The following PDLIM5 variants were observed in gnomAD, a reference collection of about 807,000 sequenced individuals.
The protein encoded by PDLIM5 is PDZ and LIM domain 5.
In PDLIM5, 34 loss-of-function variants were observed where a neutral mutation model predicts 64.2. The observed-to-expected ratio is 0.53, with a 90% CI of 0.40 to 0.71. PDLIM5 has a LOEUF of 0.71. Ranked by LOEUF, PDLIM5 falls within the 30% of genes least tolerant of loss-of-function variation. The pLI is 0.00. For missense variants in PDLIM5, 683 were observed against 733.6 expected (o/e 0.93, Z 0.80); for synonymous variants, 253 against 269.1 (o/e 0.94, Z 0.59).
rs767864210 is a variant in PDLIM5, at chr4:94,657,500, G to T, written c.1538G>T (p.Arg513Leu). 6 of 1,610,008 alleles carry T rather than the reference G, an allele frequency of 3.7e-6. No homozygotes were observed. The highest frequency in any genetic ancestry group is 5.1e-6 in the Non-Finnish European group (6 of 1,176,382). ...TGTGTAGCCTGTGGAAAGCCCATTC[G>T]GAACAATGTTTTTCACTTGGAGGAT... ...FVCVACGKPIRNNVFHLEDGE... is the reference protein window; with the variant it reads ...FVCVACGKPILNNVFHLEDGE... The change falls in exon 11 of 13, where the codon CGG becomes CTG. Residue 513 changes from arginine to leucine, a missense_variant. Arg to Leu is a moderately radical substitution (Grantham distance 102, BLOSUM62 -2). Transcript: ENST00000317968.
chr4:94,469,356 A>G (rs964923888), intron 2 of PDLIM5, among the ~76,000 whole-genome samples: 4 of 152,334 alleles, frequency 2.6e-5, no homozygotes, highest in Admixed American at 2.0e-4. Flanking sequence ...TGGACAGTCA[A>G]TACAGGCCCT....
intron 7 of PDLIM5, among the ~76,000 whole-genome samples, chr4:94,609,877 C>T (rs1045991497): frequency 2.0e-5 from 3 of 152,020 alleles, no homozygotes; most frequent in South Asian, 2.1e-4. Flanking sequence ...ATGTGTGATA[C>T]GAGGTAATTT....
chr4:94,649,909 G>A (rs1045593203), intron 9 of PDLIM5, among the ~76,000 whole-genome samples: 5 of 152,114 alleles, frequency 3.3e-5, no homozygotes, highest in African/African-American at 1.2e-4. Context: ...CATTTTACCT[G>A]TGCATTTATT....
At chr4:94,652,397 C>T (rs764032510) in intron 9 of PDLIM5, among the ~76,000 whole-genome samples, 10 of 152,102 alleles carry the variant, frequency 6.6e-5, no homozygotes, top group Non-Finnish European at 1.3e-4. Context: ...GTAAATTGAG[C>T]CTGGAAGATT....
rs546983164 is a variant in PDLIM5 at position 94,624,295 on chromosome 4, G to A, written c.1108+6104G>A. 7.2e-5 allele frequency among the ~76,000 whole-genome samples: 11 copies of A among 152,166 alleles called. No individual in the cohort carries two copies. The East Asian group carries it at 2.1e-3, about 29-fold the overall frequency. On this transcript the variant is annotated intron_variant, in intron 8 of 12. Coordinates refer to ENST00000317968, the MANE Select transcript of PDLIM5 (RefSeq NM_006457.5). ...ATTGTGCCACTGCACTCCAACCTGGGTGACAGAGCTAGACCCCCATCTAAA... is the reference window on the plus strand; with the variant it reads ...ATTGTGCCACTGCACTCCAACCTGGATGACAGAGCTAGACCCCCATCTAAA...
At chr4:94,521,269 A>T (rs187646193) in intron 2 of PDLIM5, among the ~76,000 whole-genome samples, 1 of 152,268 alleles carries the variant, frequency 6.6e-6, no homozygotes, top group East Asian at 1.9e-4. Context: ...GAATGTTAAG[A>T]TGGAAGAAAA....
At chr4:94,464,040 G>A (rs1367659554) in intron 2 of PDLIM5, among the ~76,000 whole-genome samples, 1 of 152,128 alleles carries the variant, frequency 6.6e-6, no homozygotes, top group African/African-American at 2.4e-5. Flanking sequence ...GTAACAAAAA[G>A]AGTAAGGATG....
At chr4:94,492,562 C>T (rs1381906035) in intron 2 of PDLIM5, among the ~76,000 whole-genome samples, 1 of 152,106 alleles carries the variant, frequency 6.6e-6, no homozygotes, top group Admixed American at 6.6e-5. Context: ...TTTCTCCTGG[C>T]AGCCATCAGT....
chr4:94,568,163 C>T (rs549233065), intron 3 of PDLIM5, among the ~76,000 whole-genome samples: 1 of 152,322 alleles, frequency 6.6e-6, no homozygotes, highest in South Asian at 2.1e-4. Flanking sequence ...ATGATCTAAA[C>T]TAGAGGCTGT....
intron 3 of PDLIM5, among the ~76,000 whole-genome samples, chr4:94,569,079 T>A (rs1052810044): frequency 6.6e-6 from 1 of 152,172 alleles, no homozygotes; most frequent in Non-Finnish European, 1.5e-5. Context: ...TGTGGTTACC[T>A]TTAGAGATGA....
chr4:94,589,957 A>G (rs1736554918), intron 7 of PDLIM5, among the ~76,000 whole-genome samples: 1 of 151,786 alleles, frequency 6.6e-6, no homozygotes. Context: ...TAGTTTTTTT[A>G]GTAGAGACAG....
chr4:94,581,544 A>G (rs1394707182), intron 5 of PDLIM5, among the ~76,000 whole-genome samples: 1 of 152,176 alleles, frequency 6.6e-6, no homozygotes, highest in Non-Finnish European at 1.5e-5. Context: ...ATTGAGATCA[A>G]CTTAATCCTG....
In PDLIM5 at chr4:94,565,549, A is replaced by T. The variant is rs190657415; in HGVS notation, c.249-7802A>T. 2.6e-5 allele frequency among the ~76,000 whole-genome samples: 4 copies of T among 152,276 alleles called. No homozygotes were observed. The East Asian group carries it at 7.7e-4, about 29-fold the overall frequency. On this transcript the variant is annotated intron_variant, in intron 3 of 12. Coordinates refer to ENST00000317968, the MANE Select transcript of PDLIM5 (RefSeq NM_006457.5). ...TTATTTTCTCAAGACCCACAAGAAG[A>T]TTATGTGATGTGGTATCTTGGGATC...
intron 2 of PDLIM5, among the ~76,000 whole-genome samples, chr4:94,477,450 G>A (rs1195454406): frequency 6.6e-6 from 1 of 152,144 alleles, no homozygotes; most frequent in East Asian, 1.9e-4. Context: ...TGTTCTTAAA[G>A]TATTGAAAGT....
chr4:94,567,269 A>G (rs1282154329), intron 3 of PDLIM5, among the ~76,000 whole-genome samples: 1 of 152,208 alleles, frequency 6.6e-6, no homozygotes, highest in African/African-American at 2.4e-5. Context: ...ATTTGTTTTA[A>G]GGGCATTTTA....
intron 2 of PDLIM5, among the ~76,000 whole-genome samples, chr4:94,490,244 T>C (rs1485512663): frequency 2.0e-5 from 3 of 152,016 alleles, no homozygotes; most frequent in Admixed American, 6.6e-5. Context: ...TATTATAAAC[T>C]CTTTATGAAT....
At chr4:94,510,118 G>A (rs1728742005) in intron 2 of PDLIM5, among the ~76,000 whole-genome samples, 1 of 152,158 alleles carries the variant, frequency 6.6e-6, no homozygotes, top group East Asian at 1.9e-4. Flanking sequence ...GGGCTCAACT[G>A]TTACCAGTGG....
rs779217625 is a variant in PDLIM5, at chr4:94,585,779, T to C, written c.883+42T>C. ...GTATCCTAATGGATGAATGTTTTTT[T>C]GCCCCAGAGAGTGGCATTGAGACTG... On this transcript the variant is annotated intron_variant, in intron 6 of 12. Coordinates refer to ENST00000317968, the MANE Select transcript of PDLIM5 (RefSeq NM_006457.5). 1.1e-5 allele frequency: 17 copies of C among 1,538,760 alleles called. No individual in the cohort carries two copies. In the South Asian group the frequency reaches 1.6e-4, roughly 14 times the overall value.
Position 94,667,575 on chromosome 4 carries a change from G to A in PDLIM5, c.*3508G>A, listed in dbSNP as rs1743136695. ...TTCTATAAGGGACTTGAACATCATGGACTTTAGTATCCTAGGGGGTTCTTG... is the reference window on the plus strand; with the variant it reads ...TTCTATAAGGGACTTGAACATCATGAACTTTAGTATCCTAGGGGGTTCTTG... On this transcript the variant is annotated 3_prime_UTR_variant, in exon 13 of 13. Coordinates refer to ENST00000317968, the MANE Select transcript of PDLIM5 (RefSeq NM_006457.5). 6.6e-6 allele frequency: 1 copy of A among 152,106 alleles called. No homozygotes were observed. The highest frequency in any genetic ancestry group is 1.5e-5 in the Non-Finnish European group (1 of 68,020). The allele number at this position is 152,106 out of a possible 1,614,324, so 9.4% of individuals were successfully genotyped here.
Sources: gnomAD v4.1 joint callset for allele counts (sites outside exome capture counted in the v4.1 genomes callset) on GRCh38, gnomAD v4.1.1 for gene constraint, MANE v1.5 for transcripts, NCBI Gene and HGNC (gene_info 2026-07-23, HGNC 2026-07-21) for gene names.